The following MCRIP1 variants were observed in gnomAD, a reference collection of about 807,000 sequenced individuals.
The protein encoded by MCRIP1 is MAPK regulated corepressor interacting protein 1, also known as mapk-regulated corepressor-interacting protein 1.
A neutral mutation model predicts 14.4 loss-of-function variants in MCRIP1; 10 were observed. The observed-to-expected ratio is 0.70, with a 90% CI of 0.43 to 1.18. The LOEUF (loss-of-function observed/expected upper bound fraction) is 1.18, where lower values mean the gene tolerates loss of function less well. Among genes scored for constraint, MCRIP1 ranks in the 50% most tolerant of loss-of-function variants. The probability of loss-of-function intolerance (pLI) is 0.00; values close to 1 mark genes in which losing one functional copy is unlikely to be tolerated. For missense variants in MCRIP1, 119 were observed against 135.4 expected (o/e 0.88, Z 0.60); for synonymous variants, 53 against 55.7 (o/e 0.95, Z 0.21).
intron 1 of MCRIP1, chr17:81,825,325 G>A: frequency 1.7e-6 from 2 of 1,157,104 alleles, no homozygotes; most frequent in Non-Finnish European, 2.2e-6. Flanking sequence ...ACACTGGCAG[G>A]CTGGACAGTG....
Position 81,823,300 on chromosome 17 carries a change from T to C in MCRIP1, c.241A>G (p.Ile81Val), listed in dbSNP as rs868028814. 25 of 1,536,840 alleles carry C rather than the reference T, an allele frequency of 1.6e-5. No homozygotes were observed. The highest frequency in any genetic ancestry group is 3.3e-4 in the Middle Eastern group (2 of 5,986). The change falls in exon 5 of 5, where the codon ATC (isoleucine) becomes GTC (valine). Residue 81 changes from isoleucine (I) to valine (V), a missense_variant. By Grantham distance (29) the Ile-to-Val change is conservative (BLOSUM62 3). Coordinates refer to ENST00000455127, the MANE Select transcript of MCRIP1 (RefSeq NM_207368.5). This position sits in a 1 kb window ranked among gnomAD's most constrained non-coding sequence, Gnocchi z 6.0. Reference protein sequence around the residue: ...PNPSLKTFKPIDLSDLKRRST... With the variant: ...PNPSLKTFKPVDLSDLKRRST... ...CGGCGCTTCAGGTCACTCAGGTCGA[T>C]GGGCTTGAAGGCTGCCAGGGGACAA...
chr17:81,822,935 G>A lies in MCRIP1; in HGVS notation c.*312C>T. 1.9e-6 allele frequency: 1 copy of A among 540,058 alleles called. No individual in the cohort carries two copies. Among genetic ancestry groups the A allele is most frequent in the Non-Finnish European group, 3.3e-6 (1 of 300,468 alleles). 33.5% of individuals were successfully genotyped at this position (540,058 alleles called of 1,614,324 possible). On this transcript the variant is annotated 3_prime_UTR_variant, in exon 5 of 5. Coordinates refer to ENST00000455127, the MANE Select transcript of MCRIP1 (RefSeq NM_207368.5). The stretch of plus-strand genomic sequence containing the variant: ...GCAGTGGCCAGGGGCAGGAGGGTGA[G>A]GGGAGAGGAGAGAGGTCAGGTCAGG...
At chr17:81,827,542 A>T (rs1365627963) in intron 1 of MCRIP1, among the ~76,000 whole-genome samples, 1 of 151,806 alleles carries the variant, frequency 6.6e-6, no homozygotes, top group Non-Finnish European at 1.5e-5. Context: ...AAGTGCTGGG[A>T]TTACAGTCGT....
Position 81,822,620 on chromosome 17 carries a change from G to A in MCRIP1, c.*627C>T, listed in dbSNP as rs1483231639. On this transcript the variant is annotated 3_prime_UTR_variant, in exon 5 of 5. Transcript: ENST00000455127. ...TGTGACCGCAGACACCAGGAGGCCAGGCCTGGTTGCTGGGGACCCCCTTGG... is the reference window on the plus strand; with the variant it reads ...TGTGACCGCAGACACCAGGAGGCCAAGCCTGGTTGCTGGGGACCCCCTTGG... 1 of 154,280 alleles carries A rather than the reference G, an allele frequency of 6.5e-6. No homozygotes were observed. Among genetic ancestry groups the A allele is most frequent in the Non-Finnish European group, 1.4e-5 (1 of 69,480 alleles). 9.6% of individuals were successfully genotyped at this position (154,280 alleles called of 1,614,324 possible).
intron 1 of MCRIP1, among the ~76,000 whole-genome samples, chr17:81,832,770 G>A (rs1179007041): frequency 2.0e-5 from 3 of 152,260 alleles, no homozygotes; most frequent in African/African-American, 7.2e-5. Flanking sequence ...CGGGGAGACG[G>A]GAAAGAGGGC....
intron 1 of MCRIP1, among the ~76,000 whole-genome samples, chr17:81,830,189 T>C (rs756397786): frequency 2.6e-5 from 4 of 152,238 alleles, no homozygotes; most frequent in Non-Finnish European, 5.9e-5. Flanking sequence ...TTCAAAGTGA[T>C]GCAGCCCACA....
Position 81,829,247 on chromosome 17 carries a change from G to A in MCRIP1, c.-49+3991C>T, listed in dbSNP as rs562484134. Among the ~76,000 whole-genome samples, 398 of 137,964 alleles carry A rather than the reference G, an allele frequency of 2.9e-3. 4 individuals are homozygous for A. The highest frequency in any genetic ancestry group is 5.0e-3 in the Admixed American group (69 of 13,862). 90.5% of individuals were successfully genotyped at this position (137,964 alleles called of 152,430 possible). On this transcript the variant is annotated intron_variant, in intron 1 of 4. Transcript: ENST00000455127. ...GGGGAGTGGCGGCCTGACCGAGGCC[G>A]ACCACAGGTGAAGGGTGGGAGGGAG... is the stretch of plus-strand genomic sequence containing the variant.
At chr17:81,827,399 G>C (rs1380291080) in intron 1 of MCRIP1, among the ~76,000 whole-genome samples, 1 of 151,530 alleles carries the variant, frequency 6.6e-6, no homozygotes, top group Non-Finnish European at 1.5e-5. Flanking sequence ...AGCCTCCCAA[G>C]TGGCTGGGAC....
At chr17:81,830,514 G>A (rs530524607) in intron 1 of MCRIP1, among the ~76,000 whole-genome samples, 3 of 152,178 alleles carry the variant, frequency 2.0e-5, no homozygotes, top group South Asian at 4.1e-4. Context: ...GCAGTCGCCT[G>A]TAATCCCAGC....
At chr17:81,830,918 C>T in intron 1 of MCRIP1, among the ~76,000 whole-genome samples, 1 of 151,526 alleles carries the variant, frequency 6.6e-6, no homozygotes, top group East Asian at 1.9e-4. Flanking sequence ...GTAATCCCAG[C>T]ACTTTGGGAG....
At chr17:81,824,856 A>C in intron 1 of MCRIP1, 3 of 1,278,622 alleles carry the variant, frequency 2.3e-6, no homozygotes, top group Non-Finnish European at 3.0e-6. Flanking sequence ...TGGAGGCCTC[A>C]GCCCCAGCAC....
intron 1 of MCRIP1, among the ~76,000 whole-genome samples, chr17:81,831,421 AAAG>A (rs2038516530): frequency 6.6e-6 from 1 of 151,578 alleles, no homozygotes; most frequent in Non-Finnish European, 1.5e-5. Context: ...AAAAAAAAAA[AAAG>A]AACGAAAGGG....
intron 1 of MCRIP1, chr17:81,826,101 T>C: frequency 6.8e-7 from 1 of 1,480,204 alleles, no homozygotes; most frequent in Non-Finnish European, 9.0e-7. Flanking sequence ...TTGGCCTTTA[T>C]GCAGCCACAC....
chr17:81,826,383 G>A (rs1224168528), intron 1 of MCRIP1: 1 of 1,535,348 alleles, frequency 6.5e-7, no homozygotes, highest in East Asian at 2.4e-5. Context: ...AACACACCTG[G>A]TGTGGCAGCA....
chr17:81,827,461 C>T (rs1012908654), intron 1 of MCRIP1, among the ~76,000 whole-genome samples: 4 of 151,270 alleles, frequency 2.6e-5, no homozygotes, highest in African/African-American at 7.3e-5. Context: ...TTAGTAGAGA[C>T]GGGATTTCGT....
chr17:81,827,385 C>A lies in MCRIP1; in HGVS notation c.-48-2831G>T, dbSNP rs558438484. 2.6e-5 allele frequency among the ~76,000 whole-genome samples: 4 copies of A among 151,778 alleles called. No homozygotes were observed. In the East Asian group the frequency reaches 8.0e-4, roughly 30 times the overall value. On this transcript the variant is annotated intron_variant, in intron 1 of 4. Coordinates refer to ENST00000455127, the MANE Select transcript of MCRIP1 (RefSeq NM_207368.5). ...CTCCCGGGTTCACGCCATTCTCCCG[C>A]CTCAGCCTCCCAAGTGGCTGGGACT...
intron 1 of MCRIP1, chr17:81,826,558 G>C: frequency 1.7e-6 from 1 of 595,286 alleles, no homozygotes; most frequent in South Asian, 2.1e-5. Context: ...GGTGGCTCAC[G>C]CTTGTAATCC....
At chr17:81,831,379 GCCCC>G (rs756464823) in intron 1 of MCRIP1, among the ~76,000 whole-genome samples, 2 of 130,680 alleles carry the variant, frequency 1.5e-5, no homozygotes, top group Non-Finnish European at 3.3e-5. Flanking sequence ...ACAAAAAAGG[GCCCC>G]ATCTCTGCTC....
chr17:81,826,198 C>A, intron 1 of MCRIP1: 1 of 1,514,720 alleles, frequency 6.6e-7, no homozygotes, highest in South Asian at 1.3e-5. Flanking sequence ...AAGCAACTAC[C>A]CTTCCGGGGC....
Sources: gnomAD v4.1 joint callset for allele counts (sites outside exome capture counted in the v4.1 genomes callset) on GRCh38, gnomAD v4.1.1 for gene constraint, Gnocchi (gnomAD v3.1) non-coding constraint, MANE v1.5 for transcripts, NCBI Gene and HGNC (gene_info 2026-07-23, HGNC 2026-07-21) for gene names.